UBA6: variants seen among roughly 807,000 people sequenced by gnomAD.
The protein encoded by UBA6 is ubiquitin-like modifier-activating enzyme 6.
In UBA6, 87 loss-of-function variants were observed where a neutral mutation model predicts 148.3. The observed-to-expected ratio is 0.59, with a 90% CI of 0.49 to 0.70. UBA6 has a LOEUF of 0.70. UBA6 is among the 30% of genes least tolerant of loss of function. The probability of loss-of-function intolerance (pLI) is 0.00; values close to 1 mark genes in which losing one functional copy is unlikely to be tolerated. For synonymous variants in UBA6, 376 were observed against 401.0 expected, an observed-to-expected ratio of 0.94 and a Z score of 0.75; for missense variants, 1,186 against 1,241.2, an observed-to-expected ratio of 0.96 and a Z score of 0.67.
At position 67,617,333 on chromosome 4, in the gene UBA6, G is replaced by A. The variant is rs1022828102; in HGVS notation, c.*1664C>T. On this transcript the variant is annotated 3_prime_UTR_variant, in exon 33 of 33. Transcript: ENST00000322244. Reference sequence around the variant, plus strand: ...CTATCCTCTAAAATTCCAAGCCACAGAGCCTTGATATTCCTGGATTCTGTT... The same window carrying A: ...CTATCCTCTAAAATTCCAAGCCACAAAGCCTTGATATTCCTGGATTCTGTT... 3 of 152,118 alleles carry A rather than the reference G, an allele frequency of 2.0e-5. No homozygotes were observed. Among genetic ancestry groups the A allele is most frequent in the African/African-American group, 7.2e-5 (3 of 41,446 alleles). 9.4% of individuals were successfully genotyped at this position (152,118 alleles called of 1,614,324 possible).
chr4:67,620,546 A>G (rs1163752966), intron 32 of UBA6, among the ~76,000 whole-genome samples: 2 of 152,220 alleles, frequency 1.3e-5, no homozygotes, highest in African/African-American at 2.4e-5. Context: ...ATGGAGCATC[A>G]TTAGAGTGAG....
At chr4:67,625,451 T>A (rs1292961385) in intron 28 of UBA6, among the ~76,000 whole-genome samples, 2 of 151,784 alleles carry the variant, frequency 1.3e-5, no homozygotes, top group African/African-American at 4.8e-5. Flanking sequence ...TTTCTGTATT[T>A]AAAAAAACTT....
chr4:67,620,437 A>G (rs751955600), intron 32 of UBA6, among the ~76,000 whole-genome samples: 5 of 152,176 alleles, frequency 3.3e-5, no homozygotes, highest in Admixed American at 6.5e-5. Flanking sequence ...CAGTTATTCA[A>G]TTATACTTTA....
intron 30 of UBA6, among the ~76,000 whole-genome samples, 195 bp downstream of exon 30, chr4:67,623,931 C>T (rs7684656): frequency 0.38 from 57,998 of 151,724 alleles, 11,190 homozygotes; most frequent in Middle Eastern, 0.51. Context: ...AGATAAAGTG[C>T]TGTAAGGGTT....
At chr4:67,656,332 A>G (rs1729691260) in intron 13 of UBA6, among the ~76,000 whole-genome samples, 1 of 152,226 alleles carries the variant, frequency 6.6e-6, no homozygotes, top group South Asian at 2.1e-4. Context: ...CTTATCCAAC[A>G]TGATCAACTC....
intron 15 of UBA6, 117 bp from the exon 16 acceptor site, chr4:67,646,133 C>T (rs1426075300): frequency 2.0e-6 from 1 of 502,138 alleles, no homozygotes; most frequent in East Asian, 3.3e-5. Context: ...AAAAGTTTCC[C>T]CTAACCAATC....
rs147463125 is a variant in UBA6, at chr4:67,643,052, G to A, written c.1476+1646C>T. On this transcript the variant is annotated intron_variant, in intron 17 of 32. Transcript: ENST00000322244. ...AAAAATTTCAGTGCCTTTTTTTCCCGTTTCTAGCTCTCTTTATCTCTGATC... is the reference window on the plus strand; with the variant it reads ...AAAAATTTCAGTGCCTTTTTTTCCCATTTCTAGCTCTCTTTATCTCTGATC... 2.7e-3 allele frequency among the ~76,000 whole-genome samples: 413 copies of A among 151,370 alleles called. 2 individuals are homozygous for A. The highest frequency in any genetic ancestry group is 8.7e-3 in the African/African-American group (360 of 41,334).
At chr4:67,635,304 A>T (rs957939731) in intron 20 of UBA6, 149 bp downstream of exon 20, 1 of 481,264 alleles carries the variant, frequency 2.1e-6, no homozygotes, top group Admixed American at 3.8e-5. Flanking sequence ...AAGTTCAATT[A>T]TATTTTAAAA....
intron 13 of UBA6, among the ~76,000 whole-genome samples, chr4:67,655,175 T>C (rs919163185): frequency 3.9e-5 from 6 of 152,164 alleles, no homozygotes; most frequent in African/African-American, 1.4e-4. Flanking sequence ...TGAACTCAGC[T>C]CTGCACCAAG....
chr4:67,628,057 A>T (rs1403652426), intron 27 of UBA6, among the ~76,000 whole-genome samples: 3 of 151,364 alleles, frequency 2.0e-5, no homozygotes, highest in Non-Finnish European at 4.4e-5. Context: ...TGGAGAAAAG[A>T]TCATTACCCT....
intron 1 of UBA6, 52 bp downstream of exon 1, chr4:67,700,997 G>A: frequency 1.9e-6 from 3 of 1,603,308 alleles, no homozygotes; most frequent in Non-Finnish European, 1.7e-6. Context: ...CAGAAACCCG[G>A]AGCCTGGGTC....
At chr4:67,620,352 A>G (rs1339212447) in intron 32 of UBA6, among the ~76,000 whole-genome samples, 2 of 152,214 alleles carry the variant, frequency 1.3e-5, no homozygotes, top group Admixed American at 6.5e-5. Flanking sequence ...CCTTCTTCAA[A>G]GGTAGCTCAA....
At chr4:67,670,699 C>T (rs1348852077) in intron 7 of UBA6, 107 bp from the exon 8 acceptor site, 1 of 825,560 alleles carries the variant, frequency 1.2e-6, no homozygotes, top group East Asian at 2.5e-5. Context: ...GTATACCTTA[C>T]ACAACCTATA....
At position 67,668,766 on chromosome 4, in the gene UBA6, A is replaced by G. The variant is rs188597787; in HGVS notation, c.670-92T>C. The G allele has an allele frequency of 1.9e-4, 249 of 1,303,812 alleles. No homozygotes were observed. The East Asian group carries it at 5.2e-3, about 27-fold the overall frequency. The allele number at this position is 1,303,812 out of a possible 1,614,324, so 80.8% of individuals were successfully genotyped here. On this transcript the variant is annotated intron_variant, in intron 8 of 32. Transcript: ENST00000322244. ...CTTAAGCAAAAATGACAAAGTTACC[A>G]TAAAATTCTCAAAACCGAAATTCTA...
intron 19 of UBA6, chr4:67,638,299 G>T: frequency 6.4e-6 from 1 of 155,778 alleles, no homozygotes. Context: ...ACAAGCAGAG[G>T]GACCTGAAGA....
Position 67,688,184 on chromosome 4 carries a change from T to C in UBA6, c.135-5971A>G, listed in dbSNP as rs569970577. On this transcript the variant is annotated intron_variant, in intron 2 of 32. Transcript: ENST00000322244. The stretch of plus-strand genomic sequence containing the variant: ...AGTGATCTCTACAAAGGAAATTATA[T>C]GCAAGGAAGAACAGAATAGATAAAA... Among the ~76,000 whole-genome samples, 37 of 152,302 alleles carry C rather than the reference T, an allele frequency of 2.4e-4. No homozygotes were observed. The East Asian group carries it at 6.2e-3, about 25-fold the overall frequency.
At position 67,634,445 on chromosome 4, in the gene UBA6, T is replaced by C; in HGVS notation, c.1916A>G (p.Gln639Arg). The C allele has an allele frequency of 1.9e-6, 3 of 1,585,570 alleles. No homozygotes were observed. Among genetic ancestry groups the C allele is most frequent in the Non-Finnish European group, 1.7e-6 (2 of 1,172,644 alleles). The change falls in exon 21 of 33, where the codon CAG becomes CGG. Residue 639 changes from glutamine (Q) to arginine (R), a missense_variant. Physicochemically the swap from Gln to Arg is conservative, Grantham distance 43. Coordinates refer to ENST00000322244, the MANE Select transcript of UBA6 (RefSeq NM_018227.6). ...SFPAAIEHTI[Q>R]WARDKFESSF... ...AACTTTTACCTTATCTCTTGCCCAC[T>C]GTATGGTATGTTCAATAGCAGCTGG...
At chr4:67,672,457 T>C (rs781515243) in intron 7 of UBA6, among the ~76,000 whole-genome samples, 1 of 152,230 alleles carries the variant, frequency 6.6e-6, no homozygotes, top group Non-Finnish European at 1.5e-5. Flanking sequence ...GAGGGATTCT[T>C]AGTGTCCCTG....
Position 67,701,136 on chromosome 4 carries a change from G to T in UBA6, c.-17C>A. On this transcript the variant is annotated 5_prime_UTR_variant, in exon 1 of 33. Transcript: ENST00000322244. The stretch of plus-strand genomic sequence containing the variant: ...TCCTTCCATTGCCGCCTGAGACACC[G>T]CCGCCGGCTACTGGAAGGTAGGAAG... 1 of 1,610,854 alleles carries T rather than the reference G, an allele frequency of 6.2e-7. No homozygotes were observed.
Sources: allele counts gnomAD v4.1 joint callset (sites outside exome capture counted in the v4.1 genomes callset), GRCh38; gene constraint gnomAD v4.1.1; transcripts MANE v1.5; gene names NCBI Gene and HGNC (gene_info 2026-07-23, HGNC 2026-07-21).